The following SLC17A7 variants were observed in gnomAD, a reference collection of about 807,000 sequenced individuals.
SLC17A7 encodes the protein solute carrier family 17 member 7.
In SLC17A7, 15 loss-of-function variants were observed where a neutral mutation model predicts 59.1. The ratio of observed to expected loss-of-function variants is 0.25; its 90% CI spans 0.17 to 0.39. The LOEUF is 0.39. Ranked by LOEUF, SLC17A7 falls within the 10% of genes least tolerant of loss-of-function variation. The pLI is 1.00. For synonymous variants in SLC17A7, 353 were observed against 308.9 expected (o/e 1.14, Z -1.50); for missense variants, 499 against 765.1 (o/e 0.65, Z 4.10).
chr19:49,436,577 G>A lies in SLC17A7; in HGVS notation c.287C>T (p.Thr96Ile), dbSNP rs1318449264. 16 of 1,613,756 alleles carry A rather than the reference G, an allele frequency of 9.9e-6. No homozygotes were observed. Among genetic ancestry groups the A allele is most frequent in the Non-Finnish European group, 1.4e-5 (16 of 1,179,974 alleles). The change falls in exon 2 of 12, where the codon ACC (threonine) becomes ATC (isoleucine). Residue 96 changes from threonine to isoleucine, a missense_variant. Thr to Ile is a moderately conservative substitution (Grantham distance 89). Transcript: ENST00000221485. The surrounding 1 kb of genome is among the most constrained non-coding windows in gnomAD (Gnocchi z 4.1). The stretch of plus-strand genomic sequence containing the variant: ...CACCACCACGTGGCCCCCGCGGTGG[G>A]TCGTGCTGTTATTGACCATGGAGAC... ...AIVSMVNNST[T>I]HRGGHVVVQK...
intron 2 of SLC17A7, chr19:49,435,611 C>A: frequency 4.3e-6 from 1 of 231,788 alleles, no homozygotes; most frequent in East Asian, 1.0e-4. Flanking sequence ...AGCTTATGAG[C>A]GTTTGCGGAG....
chr19:49,434,252 A>G (rs1475418509), intron 5 of SLC17A7, among the ~76,000 whole-genome samples: 2 of 143,396 alleles, frequency 1.4e-5, no homozygotes, highest in Admixed American at 1.4e-4. Context: ...CCAGGAGTCC[A>G]GGCCCCCAGC....
rs762594814 is a variant in SLC17A7 at position 49,441,331 on chromosome 19, C to T, written c.49G>A (p.Gly17Arg). The change falls in exon 1 of 12, where the codon GGG (glycine) becomes AGG (arginine). Residue 17 changes from glycine (G) to arginine (R), a missense_variant. Gly to Arg is a moderately radical substitution (Grantham distance 125). Around this residue, in one of 3 missense-constraint regions of SLC17A7, gnomAD observed 78 missense variants for 80.4 expected, o/e 0.97. Transcript: ENST00000221485. ...EFRKLAGRAL[G>R]KLHRLLEKRQ... ...CGCCAGGCTCACCGGTGCAGCTTCCCGAGAGCACGACCCGCTAGCTTCCGA... is the reference window on the plus strand; with the variant it reads ...CGCCAGGCTCACCGGTGCAGCTTCCTGAGAGCACGACCCGCTAGCTTCCGA... The T allele has an allele frequency of 1.2e-6, 2 of 1,610,206 alleles. No homozygotes were observed. Among genetic ancestry groups the T allele is most frequent in the South Asian group, 1.1e-5 (1 of 90,582 alleles).
intron 1 of SLC17A7, chr19:49,437,074 A>C: frequency 7.6e-6 from 4 of 524,826 alleles, no homozygotes; most frequent in East Asian, 6.8e-5. Context: ...AAATCCTTCA[A>C]CTCAGGAGAC....
Position 49,441,173 on chromosome 19 carries a change from T to C in SLC17A7, c.62+145A>G. ...GGCTCGACCAGGGAGAACAGCGCCGTCGGAGCCCACGGCAGAAAACTGGAC... is the reference window on the plus strand; with the variant it reads ...GGCTCGACCAGGGAGAACAGCGCCGCCGGAGCCCACGGCAGAAAACTGGAC... On this transcript the variant is annotated intron_variant, in intron 1 of 11. Coordinates refer to ENST00000221485, the MANE Select transcript of SLC17A7 (RefSeq NM_020309.4). 2.7e-6 allele frequency: 4 copies of C among 1,481,472 alleles called. No individual in the cohort carries two copies. In the South Asian group the frequency reaches 4.8e-5, roughly 18 times the overall value. The allele number at this position is 1,481,472 out of a possible 1,614,324, so 91.8% of individuals were successfully genotyped here. A position where few individuals can be genotyped will look rare whatever the true frequency, so the allele number is the denominator to read the frequency against.
chr19:49,431,273 C>T lies in SLC17A7; in HGVS notation c.1261+65G>A. ...TTTGTGAGGCTGAGAGGCCCCGTTC[C>T]TGAGCCAGGAAGTTCCCTACAGAGC... On this transcript the variant is annotated intron_variant, in intron 10 of 11. Transcript: ENST00000221485. This position sits in a 1 kb window ranked among gnomAD's most constrained non-coding sequence, Gnocchi z 4.6. 2 of 1,591,092 alleles carry T rather than the reference C, an allele frequency of 1.3e-6. No homozygotes were observed. Among genetic ancestry groups the T allele is most frequent in the Non-Finnish European group, 1.7e-6 (2 of 1,163,798 alleles).
chr19:49,433,686 T>A lies in SLC17A7; in HGVS notation c.867+40A>T, dbSNP rs1392918352. On this transcript the variant is annotated intron_variant, in intron 7 of 11. Coordinates refer to ENST00000221485, the MANE Select transcript of SLC17A7 (RefSeq NM_020309.4). This position sits in a 1 kb window ranked among gnomAD's most constrained non-coding sequence, Gnocchi z 5.7. ...CACGCTGTGCAGGTTCGTGGCTTGC[T>A]ATCTCTCCCCGCCCCTTCCCCGAAG... 6.2e-7 allele frequency: 1 copy of A among 1,613,906 alleles called. No homozygotes were observed. Among genetic ancestry groups the A allele is most frequent in the Non-Finnish European group, 8.5e-7 (1 of 1,179,892 alleles).
At chr19:49,441,021 AGACGGG>A (rs1167217337) in intron 1 of SLC17A7, among the ~76,000 whole-genome samples, 1 of 152,114 alleles carries the variant, frequency 6.6e-6, no homozygotes, top group Non-Finnish European at 1.5e-5. Context: ...ATCCAGAAAG[AGACGGG>A]GACAGAGACC....
intron 9 of SLC17A7, 78 bp downstream of exon 9, chr19:49,432,441 C>A: frequency 6.6e-7 from 1 of 1,522,408 alleles, no homozygotes; most frequent in Non-Finnish European, 8.9e-7. Flanking sequence ...CCGCCTGTAA[C>A]CACTCCCCAT....
rs1465195026 is a variant in SLC17A7, at chr19:49,436,778, C to A, written c.86G>T (p.Gly29Val). 4 of 1,603,836 alleles carry A rather than the reference C, an allele frequency of 2.5e-6. No individual in the cohort carries two copies. The East Asian group carries it at 8.9e-5, about 36-fold the overall frequency. Residue 29 changes from glycine (G) to valine (V), a missense_variant, in exon 2 of 12, where the codon GGC becomes GTC. Physicochemically the swap from Gly to Val is moderately radical, Grantham distance 109. Around this residue, in one of 3 missense-constraint regions of SLC17A7, gnomAD observed 78 missense variants for 80.4 expected, o/e 0.97. Coordinates refer to ENST00000221485, the MANE Select transcript of SLC17A7 (RefSeq NM_020309.4). This position sits in a 1 kb window ranked among gnomAD's most constrained non-coding sequence, Gnocchi z 4.1. ...LHRLLEKRQE[G>V]AETLELSADG... ...CGCACTCAGCTCCAGCGTCTCCGCG[C>A]CTTCCTGCCGCTTCTCCAGAAGGCT...
intron 1 of SLC17A7, 49 bp downstream of exon 1, chr19:49,441,269 T>C: frequency 6.3e-7 from 1 of 1,589,748 alleles, no homozygotes; most frequent in South Asian, 1.1e-5. Context: ...GGAATTAGCA[T>C]CCTCCTCAGA....
intron 1 of SLC17A7, chr19:49,437,103 T>A: frequency 2.1e-6 from 1 of 471,638 alleles, no homozygotes; most frequent in Non-Finnish European, 3.8e-6. Context: ...CAGACAACCC[T>A]TTGGGATTCA....
intron 5 of SLC17A7, 131 bp from the exon 6 acceptor site, chr19:49,434,177 T>C: frequency 1.5e-6 from 1 of 667,198 alleles, no homozygotes; most frequent in Non-Finnish European, 2.7e-6. Context: ...GACCCAGGAA[T>C]CCAGGCCTAG....
rs980879501 is a variant in SLC17A7, at chr19:49,431,029, T to C, written c.1375A>G (p.Met459Val). 1.2e-6 allele frequency: 2 copies of C among 1,611,716 alleles called. No homozygotes were observed. The highest frequency in any genetic ancestry group is 8.5e-7 in the Non-Finnish European group (1 of 1,179,158). Residue 459 changes from methionine (M) to valine (V), a missense_variant, in exon 11 of 12, where the codon ATG becomes GTG. Met to Val is a conservative substitution (Grantham distance 21). Around this residue, in one of 3 missense-constraint regions of SLC17A7, gnomAD observed 323 missense variants for 607.2 expected, o/e 0.53. Transcript: ENST00000221485. This position sits in a 1 kb window ranked among gnomAD's most constrained non-coding sequence, Gnocchi z 4.6. The stretch of plus-strand genomic sequence containing the variant: ...GCGGCACCCACCTTGTGCTTAGTCA[T>C]GGCCCCCACGATGATGGGGCACACC... ...GMVCPIIVGA[M>V]TKHKTREEWQ...
At chr19:49,439,126 C>T (rs1340115729) in intron 1 of SLC17A7, among the ~76,000 whole-genome samples, 2 of 152,196 alleles carry the variant, frequency 1.3e-5, no homozygotes, top group East Asian at 1.9e-4. Flanking sequence ...AAAAACAACA[C>T]TTAGGAGGCC....
intron 9 of SLC17A7, 35 bp downstream of exon 9, chr19:49,432,483 CT>C (rs1207245846): frequency 3.1e-6 from 5 of 1,599,056 alleles, no homozygotes; most frequent in Non-Finnish European, 4.3e-6. Context: ...TCCACCCAGG[CT>C]GTCCTAGAGC....
rs749223546 is a variant in SLC17A7 at position 49,431,394 on chromosome 19, C to G, written c.1205G>C (p.Gly402Ala). 11 of 1,614,186 alleles carry G rather than the reference C, an allele frequency of 6.8e-6. No homozygotes were observed. The highest frequency in any genetic ancestry group is 1.1e-5 in the South Asian group (1 of 91,090). The change falls in exon 10 of 12, where the codon GGC becomes GCC. Residue 402 changes from glycine (G) to alanine (A), a missense_variant. Around this residue, in one of 3 missense-constraint regions of SLC17A7, gnomAD observed 323 missense variants for 607.2 expected, o/e 0.53. Coordinates refer to ENST00000221485, the MANE Select transcript of SLC17A7 (RefSeq NM_020309.4). This position sits in a 1 kb window ranked among gnomAD's most constrained non-coding sequence, Gnocchi z 4.6. ...TAGGACCAGGAAGGAGATGGCCACGCCCTTGGAGTGCGAGTAGCCGACCAC... is the reference window on the plus strand; with the variant it reads ...TAGGACCAGGAAGGAGATGGCCACGGCCTTGGAGTGCGAGTAGCCGACCAC... ...LLVVGYSHSK[G>A]VAISFLVLAV...
rs968637046 is a variant in SLC17A7, at chr19:49,431,958, G to T, written c.1151-510C>A. Among the ~76,000 whole-genome samples the T allele has an allele frequency of 1.4e-4, 21 of 152,134 alleles. No homozygotes were observed. The highest frequency in any genetic ancestry group is 5.1e-4 in the African/African-American group (21 of 41,512). ...CCTGCCTGTTTTTTAATTTTTAATTGTAATTTTAATTTTTCTAGAAACAAA... is the reference window on the plus strand; with the variant it reads ...CCTGCCTGTTTTTTAATTTTTAATTTTAATTTTAATTTTTCTAGAAACAAA... On this transcript the variant is annotated intron_variant, in intron 9 of 11. Transcript: ENST00000221485. This position sits in a 1 kb window ranked among gnomAD's most constrained non-coding sequence, Gnocchi z 4.6.
At position 49,433,121 on chromosome 19, in the gene SLC17A7, G is replaced by A; in HGVS notation, c.868-161C>T. 1.4e-6 allele frequency: 1 copy of A among 728,100 alleles called. No individual in the cohort carries two copies. Among genetic ancestry groups the A allele is most frequent in the Non-Finnish European group, 2.2e-6 (1 of 446,316 alleles). The allele number at this position is 728,100 out of a possible 1,614,324, so 45.1% of individuals were successfully genotyped here. On this transcript the variant is annotated intron_variant, in intron 7 of 11. Coordinates refer to ENST00000221485, the MANE Select transcript of SLC17A7 (RefSeq NM_020309.4). This position sits in a 1 kb window ranked among gnomAD's most constrained non-coding sequence, Gnocchi z 5.7. ...CGCGGGCTACACCATGTTGCCGTGG[G>A]GACCCAGGGATCCTAGCCTCAAGGT...
Sources: allele counts gnomAD v4.1 joint callset (sites outside exome capture counted in the v4.1 genomes callset), GRCh38; gene constraint gnomAD v4.1.1; regional missense constraint gnomAD v4.1.1; non-coding constraint Gnocchi (gnomAD v3.1); transcripts MANE v1.5; gene names NCBI Gene and HGNC (gene_info 2026-07-23, HGNC 2026-07-21).